PCDH7: variants seen among roughly 807,000 people sequenced by gnomAD.
PCDH7 encodes the protein protocadherin-7.
Under a neutral mutation model 58.9 loss-of-function variants are expected in PCDH7, and 17 were observed. The ratio of observed to expected loss-of-function variants is 0.29; its 90% confidence interval spans 0.20 to 0.43. PCDH7 has a LOEUF of 0.43. Among genes scored for constraint, PCDH7 ranks in the 20% least tolerant of loss-of-function variants. PCDH7 has a pLI of 1.00. For synonymous variants in PCDH7, 664 were observed against 616.4 expected (o/e 1.08, Z -1.14); for missense variants, 1,274 against 1,441.0 (o/e 0.88, Z 1.88).
At chr4:31,036,262 T>A (rs953746692) in intron 3 of PCDH7, among the ~76,000 whole-genome samples, 1 of 152,182 alleles carries the variant, frequency 6.6e-6, no homozygotes, top group African/African-American at 2.4e-5. Context: ...CTCAGCTCAC[T>A]GCAACCTCTG....
chr4:30,833,643 GTCTT>G (rs1730092221), intron 1 of PCDH7, among the ~76,000 whole-genome samples: 1 of 152,130 alleles, frequency 6.6e-6, no homozygotes, highest in Non-Finnish European at 1.5e-5. Context: ...TGGGAGGAGA[GTCTT>G]TATTCTGCAC....
At chr4:30,948,454 T>C (rs1226481105) in intron 2 of PCDH7, among the ~76,000 whole-genome samples, 2 of 152,132 alleles carry the variant, frequency 1.3e-5, no homozygotes, top group Non-Finnish European at 2.9e-5. Flanking sequence ...AATATTTAAA[T>C]GTACAAAAAA....
At chr4:30,842,906 TC>T (rs1174971017) in intron 1 of PCDH7, among the ~76,000 whole-genome samples, 2 of 152,128 alleles carry the variant, frequency 1.3e-5, no homozygotes, top group Non-Finnish European at 2.9e-5. Context: ...TGCTTACTAC[TC>T]TCTGATATTT....
At chr4:31,032,026 CTTATT>C (rs1754964877) in intron 3 of PCDH7, among the ~76,000 whole-genome samples, 1 of 152,146 alleles carries the variant, frequency 6.6e-6, no homozygotes, top group South Asian at 2.1e-4. Flanking sequence ...TATAGAGCTA[CTTATT>C]TTATTTTCAA....
At chr4:30,915,015 A>G (rs1044409713) in intron 1 of PCDH7, among the ~76,000 whole-genome samples, 1 of 152,018 alleles carries the variant, frequency 6.6e-6, no homozygotes, top group Non-Finnish European at 1.5e-5. Flanking sequence ...AATTATTCTG[A>G]TTTTATTTCT....
intron 1 of PCDH7, among the ~76,000 whole-genome samples, chr4:30,850,519 C>A (rs1357858425): frequency 6.6e-6 from 1 of 151,966 alleles, no homozygotes; most frequent in Non-Finnish European, 1.5e-5. Flanking sequence ...AGTCTATAAA[C>A]CAGGGTTTTT....
At chr4:30,768,430 T>C (rs1160495228) in intron 1 of PCDH7, among the ~76,000 whole-genome samples, 1 of 150,010 alleles carries the variant, frequency 6.7e-6, no homozygotes, top group East Asian at 2.0e-4. Flanking sequence ...TAGCCTCAGC[T>C]GTGAAGCATT....
At chr4:30,741,301 C>T (rs1206268745) in intron 1 of PCDH7, among the ~76,000 whole-genome samples, 1 of 151,554 alleles carries the variant, frequency 6.6e-6, no homozygotes, top group Non-Finnish European at 1.5e-5. Context: ...GGTGATTCTC[C>T]CACCTCAGCC....
chr4:31,055,778 T>C (rs1382372524), intron 3 of PCDH7, among the ~76,000 whole-genome samples: 1 of 151,904 alleles, frequency 6.6e-6, no homozygotes, highest in African/African-American at 2.4e-5. Context: ...GGTTTCGCCA[T>C]GTTAGCCAGG....
intron 3 of PCDH7, among the ~76,000 whole-genome samples, chr4:31,110,031 G>A (rs551408290): frequency 1.1e-4 from 16 of 152,310 alleles, no homozygotes; most frequent in African/African-American, 3.8e-4. Context: ...AACACCATAA[G>A]AATAGCATTT....
At chr4:30,960,546 G>T (rs1196497964) in intron 3 of PCDH7, among the ~76,000 whole-genome samples, 1 of 152,170 alleles carries the variant, frequency 6.6e-6, no homozygotes, top group African/African-American at 2.4e-5. Flanking sequence ...AAGATCTGGG[G>T]AGGAAATTAT....
chr4:31,011,734 T>G (rs892860433), intron 3 of PCDH7, among the ~76,000 whole-genome samples: 5 of 151,986 alleles, frequency 3.3e-5, no homozygotes. Flanking sequence ...ACTACCATAG[T>G]TCAAAACTGT....
intron 3 of PCDH7, among the ~76,000 whole-genome samples, chr4:31,064,810 T>C (rs1056604503): frequency 6.6e-6 from 1 of 152,016 alleles, no homozygotes; most frequent in Non-Finnish European, 1.5e-5. Context: ...ATACTTGGAA[T>C]TGGAACTTTA....
intron 3 of PCDH7, among the ~76,000 whole-genome samples, chr4:31,029,151 T>C (rs941284598): frequency 2.6e-5 from 4 of 152,232 alleles, no homozygotes; most frequent in Non-Finnish European, 1.5e-5. Flanking sequence ...TTCTTTTTAC[T>C]GCTAATCATT....
At chr4:30,981,985 C>T (rs1352642919) in intron 3 of PCDH7, among the ~76,000 whole-genome samples, 1 of 152,076 alleles carries the variant, frequency 6.6e-6, no homozygotes, top group East Asian at 1.9e-4. Flanking sequence ...TTCAAGAGTT[C>T]TGTTGTACCA....
chr4:31,100,154 C>T (rs1174001970), intron 3 of PCDH7, among the ~76,000 whole-genome samples: 1 of 152,016 alleles, frequency 6.6e-6, no homozygotes, highest in Non-Finnish European at 1.5e-5. Flanking sequence ...ATTTCTTTAG[C>T]TCAAGAAAGG....
At chr4:30,912,078 A>C (rs1296651169) in intron 1 of PCDH7, among the ~76,000 whole-genome samples, 1 of 152,176 alleles carries the variant, frequency 6.6e-6, no homozygotes, top group African/African-American at 2.4e-5. Flanking sequence ...GAGAGTTTTA[A>C]TTAATGAATC....
intron 3 of PCDH7, among the ~76,000 whole-genome samples, chr4:31,120,223 T>C (rs962426124): frequency 1.3e-4 from 20 of 151,990 alleles, no homozygotes; most frequent in Non-Finnish European, 2.8e-4. Flanking sequence ...TCCTGTTTTT[T>C]CTCCCATTTC....
At chr4:30,767,961 A>G (rs1720958087) in intron 1 of PCDH7, among the ~76,000 whole-genome samples, 1 of 152,146 alleles carries the variant, frequency 6.6e-6, no homozygotes, top group Non-Finnish European at 1.5e-5. Flanking sequence ...ATCCTTCATT[A>G]TTACAGTTTT....
Sources: allele counts gnomAD v4.1 joint callset (sites outside exome capture counted in the v4.1 genomes callset), GRCh38; gene constraint gnomAD v4.1.1; transcripts MANE v1.5; gene names NCBI Gene and HGNC (gene_info 2026-07-23, HGNC 2026-07-21).